Variants in UGT2B15 observed in about 807,000 individuals in gnomAD.
The protein encoded by UGT2B15 is UDP-glucuronosyltransferase 2B15.
UGT2B15 carries 36 observed loss-of-function variants against 45.9 expected under a neutral mutation model. The ratio of observed to expected loss-of-function variants is 0.78; its 90% confidence interval spans 0.60 to 1.04. The LOEUF (loss-of-function observed/expected upper bound fraction) is 1.04, where lower values mean the gene tolerates loss of function less well. Ranked by LOEUF, UGT2B15 falls within the 50% of genes least tolerant of loss-of-function variation. UGT2B15 has a pLI of 0.00. For synonymous variants in UGT2B15, 219 were observed against 216.4 expected (o/e 1.01, Z -0.11); for missense variants, 617 against 622.4 (o/e 0.99, Z 0.09).
rs754411979 is a variant in UGT2B15 at position 68,654,026 on chromosome 4, G to A, written c.1313+11C>T. 6.8e-6 allele frequency: 11 copies of A among 1,610,724 alleles called. No individual in the cohort carries two copies. The highest frequency in any genetic ancestry group is 9.3e-6 in the Non-Finnish European group (11 of 1,177,602). ...ATAAATACCACCTGGTCACAAAACTGTAATACTCACACAGGGTCATTAATG... is the reference window on the plus strand; with the variant it reads ...ATAAATACCACCTGGTCACAAAACTATAATACTCACACAGGGTCATTAATG... On this transcript the variant is annotated intron_variant, in intron 5 of 5. Coordinates refer to ENST00000338206, the MANE Select transcript of UGT2B15 (RefSeq NM_001076.4).
At chr4:68,665,033 G>C (rs886847633) in intron 2 of UGT2B15, among the ~76,000 whole-genome samples, 8 of 152,074 alleles carry the variant, frequency 5.3e-5, no homozygotes, top group Non-Finnish European at 7.4e-5. Flanking sequence ...CAGTATTGAA[G>C]TAATAAAACA....
chr4:68,655,155 G>C lies in UGT2B15; in HGVS notation c.1033C>G (p.Pro345Ala). 6.2e-7 allele frequency: 1 copy of C among 1,613,352 alleles called. No individual in the cohort carries two copies. Among genetic ancestry groups the C allele is most frequent in the South Asian group, 1.1e-5 (1 of 91,056 alleles). ...KVLWRFDGKK[P>A]NTLGSNTRLY... is the part of the protein sequence containing the mutation. ...CGAGTATTGGAACCTAAAGTATTTGGCTTCTTGCCATCAAATCTCCATAGA... is the reference window on the plus strand; with the variant it reads ...CGAGTATTGGAACCTAAAGTATTTGCCTTCTTGCCATCAAATCTCCATAGA... Residue 345 changes from proline (P) to alanine (A), a missense_variant, in exon 4 of 6, where the codon CCA becomes GCA. Physicochemically the swap from Pro to Ala is conservative, Grantham distance 27 (BLOSUM62 -1). This residue lies in a region of UGT2B15 where 265 missense variants were observed against 245.1 expected (regional missense o/e 1.08). Coordinates refer to ENST00000338206, the MANE Select transcript of UGT2B15 (RefSeq NM_001076.4).
intron 5 of UGT2B15, 66 bp from the exon 6 acceptor site, chr4:68,647,449 T>A (rs371577366): frequency 1.3e-6 from 2 of 1,495,540 alleles, no homozygotes. Context: ...ATCAAGTCTA[T>A]GGATGGTCTT....
At chr4:68,651,685 G>T (rs1218901450) in intron 5 of UGT2B15, among the ~76,000 whole-genome samples, 1 of 152,070 alleles carries the variant, frequency 6.6e-6, no homozygotes, top group Non-Finnish European at 1.5e-5. Flanking sequence ...GAGGGTTGTA[G>T]ATGTGTAGTG....
Position 68,654,194 on chromosome 4 carries a change from A to C in UGT2B15, c.1156T>G (p.Tyr386Asp). The change falls in exon 5 of 6, where the codon TAC (tyrosine) becomes GAC (aspartate). Residue 386 changes from tyrosine to aspartate, a missense_variant. Transcript: ENST00000338206. ...GGTNGIYEAI[Y>D]HGIPMVGIPL... ...ATGCCCACCATAGGGATCCCATGGT[A>C]GATCGCCTCATAGATGCCATTGGTT... 6.2e-7 allele frequency: 1 copy of C among 1,613,642 alleles called. No individual in the cohort carries two copies.
rs1732741729 is a variant in UGT2B15 at position 68,654,297 on chromosome 4, G to T, written c.1094-41C>A. Reference sequence around the variant, plus strand: ...TTTTAACAAAATTATTAATTACAAGGTATGAGAATTGAATAAGAAATGCAC... The same window carrying T: ...TTTTAACAAAATTATTAATTACAAGTTATGAGAATTGAATAAGAAATGCAC... On this transcript the variant is annotated intron_variant, in intron 4 of 5. Coordinates refer to ENST00000338206, the MANE Select transcript of UGT2B15 (RefSeq NM_001076.4). 2.5e-6 allele frequency: 4 copies of T among 1,595,610 alleles called. No individual in the cohort carries two copies. The East Asian group carries it at 6.7e-5, about 27-fold the overall frequency.
intron 5 of UGT2B15, among the ~76,000 whole-genome samples, chr4:68,650,730 T>A (rs888424026): frequency 3.3e-5 from 5 of 152,074 alleles, no homozygotes; most frequent in Non-Finnish European, 7.4e-5. Flanking sequence ...CACACTGTTT[T>A]CCATGATGGT....
chr4:68,661,297 A>G lies in UGT2B15; in HGVS notation c.1005+1711T>C, dbSNP rs1359633158. On this transcript the variant is annotated intron_variant, in intron 3 of 5. Transcript: ENST00000338206. Reference sequence around the variant, plus strand: ...GCCTCCTTGGAGAGGCTAATCAGAAAGTCAAAGGAATGCCTCCTCCCTGCT... The same window carrying G: ...GCCTCCTTGGAGAGGCTAATCAGAAGGTCAAAGGAATGCCTCCTCCCTGCT... Among the ~76,000 whole-genome samples the G allele has an allele frequency of 6.6e-5, 10 of 152,066 alleles. No homozygotes were observed. The East Asian group carries it at 7.7e-4, about 12-fold the overall frequency.
chr4:68,653,957 T>TA (rs1204174117), intron 5 of UGT2B15, 80 bp downstream of exon 5: 7 of 1,562,024 alleles, frequency 4.5e-6, no homozygotes, highest in Admixed American at 1.7e-5. Context: ...ATTAGTCTCT[T>TA]AAAAACGGGT....
At chr4:68,658,084 A>C (rs1276048821) in intron 3 of UGT2B15, among the ~76,000 whole-genome samples, 5 of 152,058 alleles carry the variant, frequency 3.3e-5, no homozygotes, top group Non-Finnish European at 5.9e-5. Flanking sequence ...ATGGTGATCA[A>C]GTATTCATAC....
chr4:68,647,591 A>C (rs556841836), intron 5 of UGT2B15, among the ~76,000 whole-genome samples: 1 of 152,270 alleles, frequency 6.6e-6, no homozygotes, highest in African/African-American at 2.4e-5. Context: ...TACCTTTAAA[A>C]ATGAAAAATG....
At chr4:68,654,733 C>T (rs557390328) in intron 4 of UGT2B15, among the ~76,000 whole-genome samples, 38 of 151,766 alleles carry the variant, frequency 2.5e-4, no homozygotes, top group African/African-American at 6.5e-4. Context: ...GAAAAGTGTC[C>T]GCTATTTTTC....
chr4:68,667,636 C>T (rs1486963047), intron 2 of UGT2B15, among the ~76,000 whole-genome samples: 1 of 151,648 alleles, frequency 6.6e-6, no homozygotes, highest in Non-Finnish European at 1.5e-5. Context: ...TTTTCTTTTT[C>T]ACTTGTTTTT....
intron 1 of UGT2B15, 85 bp from the exon 2 acceptor site, chr4:68,668,273 T>G: frequency 6.3e-7 from 1 of 1,583,856 alleles, no homozygotes; most frequent in Non-Finnish European, 8.6e-7. Context: ...TGAAAGGACT[T>G]GGAATAACAT....
chr4:68,658,615 C>T (rs1732877169), intron 3 of UGT2B15, among the ~76,000 whole-genome samples: 1 of 151,982 alleles, frequency 6.6e-6, no homozygotes, highest in Admixed American at 6.6e-5. Context: ...ATGAAAATAG[C>T]CACATCTTGA....
intron 3 of UGT2B15, among the ~76,000 whole-genome samples, chr4:68,661,783 T>C (rs1732975419): frequency 6.6e-6 from 1 of 152,130 alleles, no homozygotes; most frequent in Non-Finnish European, 1.5e-5. Context: ...ATTGCTACTT[T>C]TGTAAATGCT....
At chr4:68,650,992 G>GT (rs1238717464) in intron 5 of UGT2B15, among the ~76,000 whole-genome samples, 183 of 54,492 alleles carry the variant, frequency 3.4e-3, no homozygotes, top group Admixed American at 6.8e-3. Context: ...TTTTGATGGT[G>GT]TTGTTTTTTT....
In UGT2B15 at chr4:68,647,266, A is replaced by C. The variant is rs1732507949; in HGVS notation, c.1431T>G (p.Leu477=). 1.2e-6 allele frequency: 2 copies of C among 1,613,904 alleles called. No homozygotes were observed. Among genetic ancestry groups the C allele is most frequent in the African/African-American group, 2.7e-5 (2 of 74,874 alleles). ...FVMRHKGAKH[L]RVAAHNLTWI... Reference sequence around the variant, plus strand: ...AGGTGAGGTTGTGAGCTGCGACTCGAAGGTGCTTGGCTCCTTTGTGGCGCA... The same window carrying C: ...AGGTGAGGTTGTGAGCTGCGACTCGCAGGTGCTTGGCTCCTTTGTGGCGCA... The change falls in exon 6 of 6, where the codon CTT becomes CTG. Residue 477 remains leucine (L), a synonymous_variant. Transcript: ENST00000338206.
intron 3 of UGT2B15, among the ~76,000 whole-genome samples, chr4:68,658,559 T>G (rs1479570645): frequency 6.6e-6 from 1 of 152,094 alleles, no homozygotes; most frequent in African/African-American, 2.4e-5. Flanking sequence ...CAGAATGATC[T>G]TTGCTTGTGT....
Sources: allele counts gnomAD v4.1 joint callset (sites outside exome capture counted in the v4.1 genomes callset), GRCh38; gene constraint gnomAD v4.1.1; regional missense constraint gnomAD v4.1.1; transcripts MANE v1.5; gene names NCBI Gene and HGNC (gene_info 2026-07-23, HGNC 2026-07-21).